CNTNAP2: variants seen among roughly 807,000 people sequenced by gnomAD.
CNTNAP2 encodes the protein contactin associated protein 2, also known as contactin-associated protein-like 2.
A neutral mutation model predicts 155.2 loss-of-function variants in CNTNAP2; 98 were observed. The observed-to-expected ratio is 0.63, with a 90% CI of 0.54 to 0.75. The LOEUF (loss-of-function observed/expected upper bound fraction) is 0.75, where lower values mean the gene tolerates loss of function less well. Among genes scored for constraint, CNTNAP2 ranks in the 30% least tolerant of loss-of-function variants. The pLI, the probability that CNTNAP2 is intolerant of heterozygous loss-of-function variation, is 0.00. For synonymous variants in CNTNAP2, 651 were observed against 631.2 expected (o/e 1.03, Z -0.47); for missense variants, 1,727 against 1,688.1 (o/e 1.02, Z -0.40).
intron 1 of CNTNAP2, among the ~76,000 whole-genome samples, chr7:146,516,054 T>C (rs1797536455): frequency 6.6e-6 from 1 of 152,056 alleles, no homozygotes; most frequent in South Asian, 2.1e-4. Flanking sequence ...ACATTTTTTT[T>C]CTATGCATTG....
At chr7:148,412,083 C>T (rs941016986) in intron 23 of CNTNAP2, among the ~76,000 whole-genome samples, 5 of 150,872 alleles carry the variant, frequency 3.3e-5, no homozygotes, top group African/African-American at 4.9e-5. Context: ...GCTGGGATTA[C>T]AGGCACGCAC....
At chr7:146,910,622 AT>A (rs1225299513) in intron 3 of CNTNAP2, among the ~76,000 whole-genome samples, 1 of 150,820 alleles carries the variant, frequency 6.6e-6, no homozygotes, top group East Asian at 1.9e-4. Flanking sequence ...CTGAAACTGG[AT>A]CCCTTCCTTA....
chr7:147,857,915 G>A (rs1326812183), intron 13 of CNTNAP2, among the ~76,000 whole-genome samples: 2 of 152,070 alleles, frequency 1.3e-5, no homozygotes, highest in Non-Finnish European at 2.9e-5. Flanking sequence ...CAAGAACATG[G>A]ACAATATCAA....
At chr7:146,511,656 AAT>A (rs1395301060) in intron 1 of CNTNAP2, among the ~76,000 whole-genome samples, 1 of 152,134 alleles carries the variant, frequency 6.6e-6, no homozygotes, top group East Asian at 1.9e-4. Context: ...TGATCTTTTT[AAT>A]ATGTTATTGA....
intron 1 of CNTNAP2, among the ~76,000 whole-genome samples, chr7:146,345,686 A>G (rs1394313205): frequency 2.0e-5 from 3 of 152,196 alleles, no homozygotes; most frequent in Non-Finnish European, 2.9e-5. Flanking sequence ...TTTAAACATC[A>G]TAATTTTTAC....
chr7:146,358,914 T>TA (rs1008976277), intron 1 of CNTNAP2, among the ~76,000 whole-genome samples: 5 of 152,118 alleles, frequency 3.3e-5, no homozygotes, highest in Admixed American at 3.3e-4. Flanking sequence ...GTGAAGAAAA[T>TA]CAGGGGCTTG....
chr7:146,664,786 A>G (rs1800162086), intron 1 of CNTNAP2, among the ~76,000 whole-genome samples: 1 of 152,186 alleles, frequency 6.6e-6, no homozygotes, highest in South Asian at 2.1e-4. Context: ...ACTTTTTTGC[A>G]AGAAGTTAAA....
In CNTNAP2 at chr7:146,514,148, A is replaced by G. The variant is rs532929312; in HGVS notation, c.98-260123A>G. On this transcript the variant is annotated intron_variant, in intron 1 of 23. Transcript: ENST00000361727. ...TATTATTTGGTTATTTTCTCTTTCCACTTTAGGATTCTCTCTTTGCCTTGA... is the reference window on the plus strand; with the variant it reads ...TATTATTTGGTTATTTTCTCTTTCCGCTTTAGGATTCTCTCTTTGCCTTGA... Among the ~76,000 whole-genome samples, 27 of 151,516 alleles carry G rather than the reference A, an allele frequency of 1.8e-4. No individual in the cohort carries two copies. The South Asian group carries it at 5.4e-3, about 30-fold the overall frequency.
At chr7:147,468,148 G>A (rs1798152450) in intron 10 of CNTNAP2, among the ~76,000 whole-genome samples, 2 of 151,896 alleles carry the variant, frequency 1.3e-5, no homozygotes, top group Admixed American at 1.3e-4. Context: ...ATAATTAGTT[G>A]GGTGTAGTGG....
intron 13 of CNTNAP2, among the ~76,000 whole-genome samples, chr7:147,703,735 G>T (rs1160540374): frequency 1.3e-5 from 2 of 152,138 alleles, no homozygotes; most frequent in Non-Finnish European, 2.9e-5. Context: ...TCTTCTTGCT[G>T]TTTTGAAATA....
At chr7:148,173,963 G>A (rs544535053) in intron 18 of CNTNAP2, among the ~76,000 whole-genome samples, 1 of 152,290 alleles carries the variant, frequency 6.6e-6, no homozygotes, top group South Asian at 2.1e-4. Context: ...CAAAACCTCT[G>A]GAGATTAATA....
At chr7:146,618,558 A>G (rs933609256) in intron 1 of CNTNAP2, among the ~76,000 whole-genome samples, 6 of 152,192 alleles carry the variant, frequency 3.9e-5, no homozygotes, top group African/African-American at 1.4e-4. Flanking sequence ...CCAAAGGACA[A>G]TTGACTGATT....
At chr7:147,904,554 T>C (rs927715542) in intron 14 of CNTNAP2, among the ~76,000 whole-genome samples, 5 of 152,224 alleles carry the variant, frequency 3.3e-5, no homozygotes, top group Non-Finnish European at 5.9e-5. Flanking sequence ...GTCATGGTCA[T>C]GAATTTCCCC....
At chr7:147,824,765 G>A (rs1798421790) in intron 13 of CNTNAP2, among the ~76,000 whole-genome samples, 3 of 151,600 alleles carry the variant, frequency 2.0e-5, no homozygotes, top group African/African-American at 7.3e-5. Context: ...GCCTCAAATC[G>A]ATATTTAAGA....
In CNTNAP2 at chr7:148,420,081, C is replaced by T. The variant is rs1800080182; in HGVS notation, c.*4465C>T. The T allele has an allele frequency of 2.6e-5, 4 of 152,224 alleles. No homozygotes were observed. In the South Asian group the frequency reaches 8.3e-4, roughly 32 times the overall value. The allele number at this position is 152,224 out of a possible 1,614,324, so 9.4% of individuals were successfully genotyped here. On this transcript the variant is annotated 3_prime_UTR_variant, in exon 24 of 24. Coordinates refer to ENST00000361727, the MANE Select transcript of CNTNAP2 (RefSeq NM_014141.6). ...AGGAATTGGAGACTTACTGGCATGG[C>T]TCTACAGCTGCTCAGTTATTAATCA...
intron 8 of CNTNAP2, among the ~76,000 whole-genome samples, chr7:147,173,513 G>A: frequency 6.6e-6 from 1 of 152,120 alleles, no homozygotes; most frequent in Non-Finnish European, 1.5e-5. Context: ...AACAAATGGG[G>A]ATCATCAGGA....
At chr7:147,253,529 C>A (rs1804251948) in intron 8 of CNTNAP2, among the ~76,000 whole-genome samples, 1 of 151,942 alleles carries the variant, frequency 6.6e-6, no homozygotes, top group Admixed American at 6.6e-5. Context: ...ATGAAAGGAT[C>A]CACATTGGGA....
rs529945768 is a variant in CNTNAP2 at position 147,194,634 on chromosome 7, G to A, written c.1348+62125G>A. 2.0e-5 allele frequency among the ~76,000 whole-genome samples: 3 copies of A among 152,212 alleles called. No individual in the cohort carries two copies. The South Asian group carries it at 6.2e-4, about 32-fold the overall frequency. On this transcript the variant is annotated intron_variant, in intron 8 of 23. Transcript: ENST00000361727. Reference sequence around the variant, plus strand: ...TCGCCCTTCTCACTGGAATGAGATGGTATCTAATTGTGGTTTTGACTTGCA... The same window carrying A: ...TCGCCCTTCTCACTGGAATGAGATGATATCTAATTGTGGTTTTGACTTGCA...
intron 1 of CNTNAP2, among the ~76,000 whole-genome samples, chr7:146,297,213 C>T (rs187963576): frequency 2.8e-4 from 42 of 152,090 alleles, no homozygotes; most frequent in Non-Finnish European, 5.4e-4. Context: ...AATTGAAAAT[C>T]ATTAATTTCC....
Sources: gnomAD v4.1 joint callset for allele counts (sites outside exome capture counted in the v4.1 genomes callset) on GRCh38, gnomAD v4.1.1 for gene constraint, MANE v1.5 for transcripts, NCBI Gene and HGNC (gene_info 2026-07-23, HGNC 2026-07-21) for gene names.